The following RELN variants were observed in gnomAD, a reference collection of about 807,000 sequenced individuals.
RELN encodes reelin.
RELN carries 108 observed loss-of-function variants against 427.6 expected under a neutral mutation model. The observed-to-expected ratio is 0.25, with a 90% CI of 0.22 to 0.30. The LOEUF (loss-of-function observed/expected upper bound fraction) is 0.30. RELN is among the 10% of genes least tolerant of loss of function. The pLI, the probability that RELN is intolerant of heterozygous loss-of-function variation, is 1.00. For missense variants in RELN, 3,715 were observed against 4,302.8 expected (o/e 0.86, Z 3.82); for synonymous variants, 1,524 against 1,513.4 (o/e 1.01, Z -0.16).
chr7:103,594,520 G>C, intron 25 of RELN, 28 bp from the exon 26 acceptor site: 1 of 1,606,826 alleles, frequency 6.2e-7, no homozygotes, highest in Non-Finnish European at 8.5e-7. Flanking sequence ...ATTTACGGTT[G>C]GGAAAACAAA....
chr7:103,520,393 C>T (rs7787875), intron 48 of RELN, among the ~76,000 whole-genome samples: 2 of 151,712 alleles, frequency 1.3e-5, no homozygotes, highest in South Asian at 4.2e-4. Context: ...CTCTTGCCTC[C>T]GCCTCCCGAG....
In RELN at chr7:103,870,493, C is replaced by T. The variant is rs912010246; in HGVS notation, c.338-36821G>A. On this transcript the variant is annotated intron_variant, in intron 2 of 64. Transcript: ENST00000428762. The stretch of plus-strand genomic sequence containing the variant: ...CAGTGAATTTCCTAGGTCCCTCTAA[C>T]GTGGCAAGATTCAGCATCCAAGCTC... Among the ~76,000 whole-genome samples the T allele has an allele frequency of 9.2e-5, 14 of 152,066 alleles. 1 individual carries two copies. Among genetic ancestry groups the T allele is most frequent in the African/African-American group, 3.4e-4 (14 of 41,502 alleles).
At chr7:103,572,316 C>T (rs944139664) in intron 30 of RELN, 56 bp from the exon 31 acceptor site, 1 of 964,454 alleles carries the variant, frequency 1.0e-6, no homozygotes, top group African/African-American at 1.6e-5. Flanking sequence ...GAGCTGTAAG[C>T]ATTAGCGTTT....
Position 103,728,213 on chromosome 7 carries a change from G to A in RELN, c.657-6C>T. ...CACAGTTGTTACATTCAACCCTGCA[G>A]GAAAACAGAACACAGTCCCCGTCTG... On this transcript the variant is annotated splice_polypyrimidine_tract_variant and splice_region_variant and intron_variant, in intron 6 of 64. Transcript: ENST00000428762. 6.2e-7 allele frequency: 1 copy of A among 1,613,504 alleles called. No individual in the cohort carries two copies. Among genetic ancestry groups the A allele is most frequent in the Non-Finnish European group, 8.5e-7 (1 of 1,179,712 alleles).
chr7:103,700,942 G>A lies in RELN; in HGVS notation c.870C>T (p.Asn290=). The A allele has an allele frequency of 6.2e-7, 1 of 1,611,388 alleles. No individual in the cohort carries two copies. Among genetic ancestry groups the A allele is most frequent in the Non-Finnish European group, 8.5e-7 (1 of 1,177,722 alleles). ...TCTCTAGCTGAATCCAGTCCGCAGA[G>A]TTATTCTTGGCATATAACACGATGA... is the stretch of plus-strand genomic sequence containing the variant. ...PSIIVLYAKN[N]SADWIQLEKI... Residue 290 remains asparagine (N), a synonymous_variant, in exon 9 of 65, where the codon AAC becomes AAT. Transcript: ENST00000428762.
At position 103,545,244 on chromosome 7, in the gene RELN, TCTC is replaced by T. The variant is rs1420723549; in HGVS notation, c.6400_6402del (p.Glu2134del). The T allele has an allele frequency of 4.3e-6, 7 of 1,613,934 alleles. No individual in the cohort carries two copies. Among genetic ancestry groups the T allele is most frequent in the Non-Finnish European group, 5.1e-6 (6 of 1,179,872 alleles). ...ATACAGCTCCCCTGTCCATTACACA[TCTC>T]CTCACACTGGGGACCGATGTAGACA... On this transcript the variant is annotated inframe_deletion, in exon 42 of 65. Transcript: ENST00000428762.
At chr7:103,733,480 C>A (rs1790408013) in intron 6 of RELN, among the ~76,000 whole-genome samples, 1 of 135,734 alleles carries the variant, frequency 7.4e-6, no homozygotes, top group South Asian at 2.4e-4. Flanking sequence ...GCTATAAAGA[C>A]ACATGCACAT....
Position 103,824,822 on chromosome 7 carries a change from T to C in RELN, c.473+8715A>G, listed in dbSNP as rs1793095793. 6.6e-6 allele frequency among the ~76,000 whole-genome samples: 1 copy of C among 152,082 alleles called. No individual in the cohort carries two copies. ...ACCACAGAAACAAATATTTTGTTTA[T>C]GTCACTTAATATTCCAAGCATCTCT... On this transcript the variant is annotated intron_variant, in intron 3 of 64. Coordinates refer to ENST00000428762, the MANE Select transcript of RELN (RefSeq NM_005045.4). This position sits in a 1 kb window ranked among gnomAD's most constrained non-coding sequence, Gnocchi z 4.4.
At chr7:103,706,111 C>T (rs1834193801) in intron 8 of RELN, among the ~76,000 whole-genome samples, 2 of 152,014 alleles carry the variant, frequency 1.3e-5, no homozygotes, top group Admixed American at 6.5e-5. Flanking sequence ...ACTGGACATG[C>T]TATAAATTCA....
At position 103,824,629 on chromosome 7, in the gene RELN, T is replaced by A. The variant is rs1356564163; in HGVS notation, c.473+8908A>T. Among the ~76,000 whole-genome samples the A allele has an allele frequency of 2.7e-5, 1 of 36,476 alleles. No individual in the cohort carries two copies. The highest frequency in any genetic ancestry group is 8.5e-5 in the Non-Finnish European group (1 of 11,724). The allele number at this position is 36,476 out of a possible 152,430, so 23.9% of individuals were successfully genotyped here. ...GTTTTCACTTTCTTTCAAAACAGAG[T>A]GTGTGTGTGTGTGTGTGTGTGTGTG... On this transcript the variant is annotated intron_variant, in intron 3 of 64. Transcript: ENST00000428762. This position sits in a 1 kb window ranked among gnomAD's most constrained non-coding sequence, Gnocchi z 4.4.
chr7:103,516,355 G>A (rs373885974), intron 49 of RELN, among the ~76,000 whole-genome samples: 1 of 148,316 alleles, frequency 6.7e-6, no homozygotes, highest in Admixed American at 6.8e-5. Flanking sequence ...GTACAATCTC[G>A]GCTCACTGCA....
At chr7:103,936,155 C>A (rs1360010817) in intron 1 of RELN, among the ~76,000 whole-genome samples, 1 of 149,192 alleles carries the variant, frequency 6.7e-6, no homozygotes, top group Non-Finnish European at 1.5e-5. Flanking sequence ...TGCAGTAGCA[C>A]AATCTCAGCT....
chr7:103,847,455 T>A (rs1793708312), intron 2 of RELN, among the ~76,000 whole-genome samples: 1 of 152,108 alleles, frequency 6.6e-6, no homozygotes, highest in African/African-American at 2.4e-5. Flanking sequence ...CTAGGAGAAA[T>A]ACCTAATGTA....
In RELN at chr7:103,870,494, G is replaced by T. The variant is rs756745481; in HGVS notation, c.338-36822C>A. 2.0e-5 allele frequency among the ~76,000 whole-genome samples: 3 copies of T among 152,086 alleles called. No individual in the cohort carries two copies. In the South Asian group the frequency reaches 6.2e-4, roughly 32 times the overall value. On this transcript the variant is annotated intron_variant, in intron 2 of 64. Transcript: ENST00000428762. ...AGTGAATTTCCTAGGTCCCTCTAACGTGGCAAGATTCAGCATCCAAGCTCA... is the reference window on the plus strand; with the variant it reads ...AGTGAATTTCCTAGGTCCCTCTAACTTGGCAAGATTCAGCATCCAAGCTCA...
intron 24 of RELN, among the ~76,000 whole-genome samples, chr7:103,601,174 A>T (rs1255393309): frequency 6.6e-6 from 1 of 152,040 alleles, no homozygotes; most frequent in African/African-American, 2.4e-5. Context: ...ACATACTGGT[A>T]AAAGAGTCAC....
rs138922316 is a variant in RELN, at chr7:103,483,949, G to C, written c.9984-99C>G. The C allele has an allele frequency of 4.2e-6, 5 of 1,192,652 alleles. No individual in the cohort carries two copies. The African/African-American group carries it at 7.6e-5, about 18-fold the overall frequency. 73.9% of individuals were successfully genotyped at this position (1,192,652 alleles called of 1,614,324 possible). A position where few individuals can be genotyped will look rare whatever the true frequency, so the allele number is the denominator to read the frequency against. Reference sequence around the variant, plus strand: ...GGCTGGAGTACAGTGGTGTGATCTCGGCTCACTACAACGTCTGCCTACTGG... The same window carrying C: ...GGCTGGAGTACAGTGGTGTGATCTCCGCTCACTACAACGTCTGCCTACTGG... On this transcript the variant is annotated intron_variant, in intron 61 of 64. Transcript: ENST00000428762.
At chr7:103,670,471 T>C (rs1413830530) in intron 11 of RELN, among the ~76,000 whole-genome samples, 3 of 152,114 alleles carry the variant, frequency 2.0e-5, no homozygotes, top group African/African-American at 7.2e-5. Context: ...GGGACTTTCA[T>C]AATATGTTAA....
At chr7:103,972,922 TA>T (rs1050382737) in intron 1 of RELN, among the ~76,000 whole-genome samples, 8 of 68,382 alleles carry the variant, frequency 1.2e-4, no homozygotes, top group Admixed American at 9.0e-4. Context: ...GTGTGTGTGC[TA>T]CAAGATTAGA....
intron 7 of RELN, 75 bp from the exon 8 acceptor site, chr7:103,723,266 G>C (rs577799798): frequency 2.3e-6 from 2 of 860,300 alleles, no homozygotes; most frequent in Non-Finnish European, 3.9e-6. Flanking sequence ...GGAGGGGTAC[G>C]GGGAGGGGAA....
Sources: gnomAD v4.1 joint callset for allele counts (sites outside exome capture counted in the v4.1 genomes callset) on GRCh38, gnomAD v4.1.1 for gene constraint, Gnocchi (gnomAD v3.1) non-coding constraint, MANE v1.5 for transcripts, NCBI Gene and HGNC (gene_info 2026-07-23, HGNC 2026-07-21) for gene names.